SAMMSON: variants seen among roughly 807,000 people sequenced by gnomAD.
The protein encoded by SAMMSON is long intergenic non-protein coding RNA 1212.
intron 2 of SAMMSON, among the ~76,000 whole-genome samples, chr3:70,427,371 C>T (rs1044510548): frequency 3.3e-5 from 5 of 152,158 alleles, no homozygotes; most frequent in African/African-American, 1.2e-4. Flanking sequence ...TCCATGTTAT[C>T]TCACTTAGGC....
chr3:70,030,915 C>G (rs1559776900), intron 3 of SAMMSON, among the ~76,000 whole-genome samples: 1 of 152,112 alleles, frequency 6.6e-6, no homozygotes, highest in Non-Finnish European at 1.5e-5. Context: ...GGCAAAGATA[C>G]AGAGAAATTG....
intron 7 of SAMMSON, among the ~76,000 whole-genome samples, chr3:70,321,406 C>T (rs1702537821): frequency 6.6e-6 from 1 of 152,100 alleles, no homozygotes; most frequent in Admixed American, 6.6e-5. Flanking sequence ...GATTCATCCA[C>T]ACTGTTGTGT....
At chr3:70,047,272 T>C (rs1437759017) in intron 3 of SAMMSON, among the ~76,000 whole-genome samples, 1 of 151,860 alleles carries the variant, frequency 6.6e-6, no homozygotes, top group African/African-American at 2.4e-5. Flanking sequence ...AACAAAAAAA[T>C]ATAGTAGATG....
chr3:70,196,212 C>A (rs1387882211), intron 4 of SAMMSON, among the ~76,000 whole-genome samples: 1 of 152,018 alleles, frequency 6.6e-6, no homozygotes, highest in Non-Finnish European at 1.5e-5. Context: ...CTTTCTGTAA[C>A]GAATTAAGAA....
At chr3:70,055,151 G>A (rs2067162354) in intron 3 of SAMMSON, among the ~76,000 whole-genome samples, 1 of 151,994 alleles carries the variant, frequency 6.6e-6, no homozygotes, top group East Asian at 1.9e-4. Flanking sequence ...ATGATCCAAG[G>A]GTTGGGGTGA....
chr3:70,350,548 T>C (rs892743738), intron 7 of SAMMSON, among the ~76,000 whole-genome samples: 5 of 152,108 alleles, frequency 3.3e-5, no homozygotes, highest in African/African-American at 9.7e-5. Flanking sequence ...CCATATATAA[T>C]ATTTTTCATT....
chr3:70,366,994 G>A (rs1004324692), intron 9 of SAMMSON, among the ~76,000 whole-genome samples: 59 of 151,326 alleles, frequency 3.9e-4, no homozygotes, highest in Admixed American at 1.3e-3. Context: ...GTTTCCGTTC[G>A]TACTTTTGCT....
chr3:70,290,598 T>A (rs1325348760), intron 6 of SAMMSON, among the ~76,000 whole-genome samples: 2 of 152,148 alleles, frequency 1.3e-5, no homozygotes, highest in Non-Finnish European at 2.9e-5. Flanking sequence ...CCAGTTCGAG[T>A]TTCCGGGCTG....
At chr3:70,277,063 T>C (rs1030677152) in intron 6 of SAMMSON, among the ~76,000 whole-genome samples, 1 of 152,076 alleles carries the variant, frequency 6.6e-6, no homozygotes, top group Non-Finnish European at 1.5e-5. Context: ...ATGAGTGAAA[T>C]CAGAATTATT....
At chr3:70,295,996 C>T (rs541423914) in intron 7 of SAMMSON, among the ~76,000 whole-genome samples, 2 of 152,116 alleles carry the variant, frequency 1.3e-5, no homozygotes, top group Non-Finnish European at 2.9e-5. Context: ...GCTTTTTGTA[C>T]ATGTATTTAA....
intron 4 of SAMMSON, among the ~76,000 whole-genome samples, chr3:70,227,547 A>G (rs1047007637): frequency 1.3e-5 from 2 of 152,236 alleles, no homozygotes; most frequent in Non-Finnish European, 2.9e-5. Flanking sequence ...AGTGGGCTGA[A>G]TGAAGGAAAC....
At chr3:70,189,002 GA>G (rs764166375) in intron 4 of SAMMSON, among the ~76,000 whole-genome samples, 2 of 152,280 alleles carry the variant, frequency 1.3e-5, no homozygotes, top group Non-Finnish European at 2.9e-5. Context: ...AATCAGAAGA[GA>G]GGGTGCTTGA....
chr3:70,040,239 T>A lies in SAMMSON; in HGVS notation n.417+26567T>A, dbSNP rs879178991. Among the ~76,000 whole-genome samples the A allele has an allele frequency of 6.6e-5, 10 of 152,144 alleles. 1 individual carries two copies. The highest frequency in any genetic ancestry group is 6.6e-4 in the Admixed American group (10 of 15,258). On this transcript the variant is annotated intron_variant and non_coding_transcript_variant, in intron 3 of 9. Transcript: ENST00000642114. ...ATCATACACAGAAAGCAGATATATGTCACCTGTGAATACTAAACTCTTCTG... is the reference window on the plus strand; with the variant it reads ...ATCATACACAGAAAGCAGATATATGACACCTGTGAATACTAAACTCTTCTG...
At chr3:70,233,825 T>A (rs1183277905) in intron 4 of SAMMSON, among the ~76,000 whole-genome samples, 10 of 152,252 alleles carry the variant, frequency 6.6e-5, no homozygotes, top group African/African-American at 2.4e-4. Flanking sequence ...CTAAACAATT[T>A]TTTTTAGCTG....
chr3:70,191,289 G>A (rs964680419), intron 4 of SAMMSON, among the ~76,000 whole-genome samples: 4 of 152,132 alleles, frequency 2.6e-5, no homozygotes, highest in African/African-American at 9.7e-5. Flanking sequence ...CTTGGATTCT[G>A]TATAGCTTTT....
At chr3:70,335,921 A>G (rs1242472820) in intron 7 of SAMMSON, among the ~76,000 whole-genome samples, 4 of 151,954 alleles carry the variant, frequency 2.6e-5, no homozygotes, top group Non-Finnish European at 4.4e-5. Context: ...TCTTGGAAAA[A>G]AAAAGAGAAT....
chr3:70,319,622 G>T (rs1016950382), intron 7 of SAMMSON, among the ~76,000 whole-genome samples: 1 of 152,050 alleles, frequency 6.6e-6, no homozygotes, highest in African/African-American at 2.4e-5. Context: ...TTAAGTTTTA[G>T]AAGGATAGTA....
intron 7 of SAMMSON, among the ~76,000 whole-genome samples, chr3:70,306,288 T>C (rs1252381995): frequency 6.6e-6 from 1 of 152,100 alleles, no homozygotes; most frequent in Non-Finnish European, 1.5e-5. Flanking sequence ...AATTTCTATA[T>C]TTTTAGTAAA....
chr3:70,119,113 C>G (rs940155560), intron 4 of SAMMSON, among the ~76,000 whole-genome samples: 1 of 152,094 alleles, frequency 6.6e-6, no homozygotes, highest in Non-Finnish European at 1.5e-5. Context: ...GTTACCCAAG[C>G]TGGAGTGCCA....
Sources: gnomAD v4.1 joint callset for allele counts (sites outside exome capture counted in the v4.1 genomes callset) on GRCh38, gnomAD v4.1.1 for gene constraint, MANE v1.5 for transcripts, NCBI Gene and HGNC (gene_info 2026-07-23, HGNC 2026-07-21) for gene names.